The following WWOX variants were observed in gnomAD, a reference collection of about 807,000 sequenced individuals.
WWOX encodes the protein WW domain-containing oxidoreductase.
A neutral mutation model predicts 46.2 loss-of-function variants in WWOX; 69 were observed. The ratio of observed to expected loss-of-function variants is 1.49; its 90% CI spans 1.23 to 1.82. WWOX has a LOEUF of 1.82. Among genes scored for constraint, WWOX ranks in the 40% most tolerant of loss-of-function variants. The pLI is 0.00. For missense variants in WWOX, 919 were observed against 542.6 expected, an observed-to-expected ratio of 1.69 and a Z score of -6.89; for synonymous variants, 359 against 202.6, an observed-to-expected ratio of 1.77 and a Z score of -6.56.
At chr16:78,199,721 C>T (rs1037822133) in intron 5 of WWOX, among the ~76,000 whole-genome samples, 4 of 152,144 alleles carry the variant, frequency 2.6e-5, no homozygotes, top group African/African-American at 9.7e-5. Flanking sequence ...ACATGACATC[C>T]TACCCCCTTC....
intron 8 of WWOX, among the ~76,000 whole-genome samples, chr16:78,522,717 C>G (rs2043375916): frequency 6.6e-6 from 1 of 152,238 alleles, no homozygotes; most frequent in Admixed American, 6.5e-5. Context: ...AAGGTTACAA[C>G]AGAGGAGCTC....
intron 8 of WWOX, among the ~76,000 whole-genome samples, chr16:78,865,873 G>A (rs1049346149): frequency 1.3e-5 from 2 of 152,136 alleles, no homozygotes; most frequent in Non-Finnish European, 2.9e-5. Flanking sequence ...GTGAAACTCC[G>A]TCTCAAAAAA....
intron 8 of WWOX, among the ~76,000 whole-genome samples, chr16:78,740,239 A>T (rs999302879): frequency 6.6e-6 from 1 of 152,204 alleles, no homozygotes; most frequent in African/African-American, 2.4e-5. Flanking sequence ...TGGAGTCTTC[A>T]GGCGTTCTTA....
intron 5 of WWOX, among the ~76,000 whole-genome samples, chr16:78,261,735 CAT>C (rs1491381697): frequency 0.014 from 1,963 of 135,574 alleles, 58 homozygotes; most frequent in African/African-American, 0.047. Flanking sequence ...GCCCATTTGC[CAT>C]GTGTGTGTGT....
At chr16:78,304,385 C>G (rs1023768171) in intron 5 of WWOX, among the ~76,000 whole-genome samples, 17 of 152,154 alleles carry the variant, frequency 1.1e-4, no homozygotes, top group African/African-American at 4.1e-4. Context: ...TTGGTTTCCC[C>G]ACTTTTTCCA....
At chr16:78,819,876 C>A (rs148953446) in intron 8 of WWOX, among the ~76,000 whole-genome samples, 1 of 152,308 alleles carries the variant, frequency 6.6e-6, no homozygotes, top group African/African-American at 2.4e-5. Flanking sequence ...TTGAGTGAGA[C>A]TTGAACTCGA....
chr16:78,977,006 A>C (rs548575040), intron 8 of WWOX, among the ~76,000 whole-genome samples: 1 of 152,172 alleles, frequency 6.6e-6, no homozygotes, highest in African/African-American at 2.4e-5. Context: ...GTATAAGCTC[A>C]TCAGAGAGCT....
At chr16:78,260,083 A>C (rs959486766) in intron 5 of WWOX, among the ~76,000 whole-genome samples, 2 of 151,118 alleles carry the variant, frequency 1.3e-5, no homozygotes, top group Admixed American at 1.3e-4. Context: ...TTTCTGCTGG[A>C]ATCAGCTCGA....
chr16:78,928,408 T>C (rs1267876930), intron 8 of WWOX, among the ~76,000 whole-genome samples: 2 of 151,946 alleles, frequency 1.3e-5, no homozygotes, highest in African/African-American at 4.8e-5. Flanking sequence ...TTCACCGTGT[T>C]AGCCAGGATG....
intron 8 of WWOX, among the ~76,000 whole-genome samples, chr16:79,026,223 C>T (rs1465668081): frequency 6.6e-6 from 1 of 151,738 alleles, no homozygotes; most frequent in Non-Finnish European, 1.5e-5. Context: ...CCTTTTCAGC[C>T]CTGTTGACAC....
At chr16:78,915,169 C>G (rs1011254583) in intron 8 of WWOX, among the ~76,000 whole-genome samples, 1 of 152,088 alleles carries the variant, frequency 6.6e-6, no homozygotes, top group Non-Finnish European at 1.5e-5. Flanking sequence ...TCTTCATGTG[C>G]CTCCCCATTC....
intron 5 of WWOX, among the ~76,000 whole-genome samples, chr16:78,335,428 C>G (rs115845795): frequency 2.3e-3 from 345 of 152,314 alleles, no homozygotes; most frequent in African/African-American, 7.2e-3. Context: ...GCTTCCAGCT[C>G]CATCCATGTC....
chr16:78,576,785 T>G (rs1308000951), intron 8 of WWOX, among the ~76,000 whole-genome samples: 1 of 152,214 alleles, frequency 6.6e-6, no homozygotes, highest in African/African-American at 2.4e-5. Flanking sequence ...GAGCTATGAT[T>G]GTGCCACTGC....
intron 5 of WWOX, among the ~76,000 whole-genome samples, chr16:78,354,841 A>G (rs1262765567): frequency 6.6e-6 from 1 of 152,206 alleles, no homozygotes; most frequent in Non-Finnish European, 1.5e-5. Context: ...ATCATCAAAA[A>G]CAGAGATGAC....
chr16:78,264,517 G>A (rs12934082), intron 5 of WWOX: 8,713 of 152,206 alleles, frequency 0.057, 362 homozygotes, highest in East Asian at 0.17. Context: ...GCTAACTGAA[G>A]CTTTGGAATG....
rs572598730 is a variant in WWOX, at chr16:78,325,211, C to G, written c.517-61649C>G. On this transcript the variant is annotated intron_variant, in intron 5 of 8. Coordinates refer to ENST00000566780, the MANE Select transcript of WWOX (RefSeq NM_016373.4). The stretch of plus-strand genomic sequence containing the variant: ...GTCACCATGCAAATGTTTACAAGCT[C>G]TAATCAGGAGAAATGAAAAATCACA... Among the ~76,000 whole-genome samples the G allele has an allele frequency of 5.9e-5, 9 of 152,292 alleles. No individual in the cohort carries two copies. The South Asian group carries it at 1.7e-3, about 28-fold the overall frequency.
intron 4 of WWOX, among the ~76,000 whole-genome samples, chr16:78,147,675 CTTTTTTTT>C (rs33931881): frequency 0.063 from 5,671 of 90,712 alleles, 189 homozygotes; most frequent in African/African-American, 0.1. Context: ...TTCTTTCTTC[CTTTTTTTT>C]TTTTTTTTTT....
chr16:78,522,352 C>T (rs1305562654), intron 8 of WWOX, among the ~76,000 whole-genome samples: 1 of 152,100 alleles, frequency 6.6e-6, no homozygotes, highest in East Asian at 1.9e-4. Flanking sequence ...AAACCTAATT[C>T]TTTGAGTGTT....
intron 8 of WWOX, among the ~76,000 whole-genome samples, chr16:78,932,040 C>G (rs1267711452): frequency 6.6e-6 from 1 of 152,232 alleles, no homozygotes; most frequent in African/African-American, 2.4e-5. Context: ...GATTGTGAGA[C>G]TTTCCCAGCC....
Sources: allele counts gnomAD v4.1 joint callset (sites outside exome capture counted in the v4.1 genomes callset), GRCh38; gene constraint gnomAD v4.1.1; transcripts MANE v1.5; gene names NCBI Gene and HGNC (gene_info 2026-07-23, HGNC 2026-07-21).